COL5A2: variants seen among roughly 807,000 people sequenced by gnomAD.
COL5A2 encodes collagen type V alpha 2 chain.
COL5A2 carries 23 observed loss-of-function variants against 208.2 expected under a neutral mutation model. That is an observed-to-expected ratio of 0.11 (90% CI 0.08 to 0.16). The LOEUF (loss-of-function observed/expected upper bound fraction) is 0.16. Among genes scored for constraint, COL5A2 ranks in the 10% least tolerant of loss-of-function variants. The probability of loss-of-function intolerance (pLI) is 1.00; values close to 1 mark genes in which losing one functional copy is unlikely to be tolerated. For synonymous variants in COL5A2, 625 were observed against 628.5 expected, an observed-to-expected ratio of 0.99 and a Z score of 0.08; for missense variants, 1,590 against 1,956.4, an observed-to-expected ratio of 0.81 and a Z score of 3.53.
intron 1 of COL5A2, among the ~76,000 whole-genome samples, chr2:189,170,463 G>C (rs1047373168): frequency 2.6e-5 from 4 of 152,182 alleles, no homozygotes; most frequent in Non-Finnish European, 5.9e-5. Context: ...TTGCAGATAA[G>C]AATCTCTTAG....
At chr2:189,417,829 CAT>C in the COL5A2 span, among the ~76,000 whole-genome samples, 91 of 151,622 alleles carry the variant, frequency 6.0e-4, no homozygotes, top group Middle Eastern at 6.8e-3. Flanking sequence ...TATATATACA[CAT>C]ACATATATGT....
At chr2:189,250,329 C>T in the COL5A2 span, among the ~76,000 whole-genome samples, 1,614 of 152,270 alleles carry the variant, frequency 0.011, 17 homozygotes, top group Non-Finnish European at 0.014. Context: ...GGGTTAGTAA[C>T]TTGCCAAGGT....
the COL5A2 span, among the ~76,000 whole-genome samples, chr2:189,402,827 T>C: frequency 6.7e-6 from 1 of 149,996 alleles, no homozygotes; most frequent in Non-Finnish European, 1.5e-5. Flanking sequence ...ATAGTATAGT[T>C]TGAATTCTGG....
rs200968159 is a variant in COL5A2 at position 189,078,508 on chromosome 2, A to G, written c.1059+8T>C. 28 of 1,601,822 alleles carry G rather than the reference A, an allele frequency of 1.7e-5. No homozygotes were observed. In the African/African-American group the frequency reaches 2.8e-4, roughly 16 times the overall value. On this transcript the variant is annotated splice_region_variant and intron_variant, in intron 16 of 53. Transcript: ENST00000374866. ...CTCAGCAGTATAAGTAAAAGCAGATATACTTACAGGAGCACCCTGTGGCCC... is the reference window on the plus strand; with the variant it reads ...CTCAGCAGTATAAGTAAAAGCAGATGTACTTACAGGAGCACCCTGTGGCCC...
At chr2:189,296,636 G>A in the COL5A2 span, among the ~76,000 whole-genome samples, 1 of 152,186 alleles carries the variant, frequency 6.6e-6, no homozygotes, top group Non-Finnish European at 1.5e-5. Flanking sequence ...TAGTCCAAAT[G>A]TAAATCCCTT....
At chr2:189,287,226 A>C in the COL5A2 span, among the ~76,000 whole-genome samples, 1 of 152,158 alleles carries the variant, frequency 6.6e-6, no homozygotes, top group Non-Finnish European at 1.5e-5. Context: ...GTAAAATAGC[A>C]TCTGTGAAGT....
Position 189,049,367 on chromosome 2 carries a change from C to A in COL5A2, c.3127G>T (p.Val1043Leu). Residue 1043 changes from valine to leucine, a missense_variant, in exon 44 of 54, where the codon GTA becomes TTA. By Grantham distance (32) the Val-to-Leu change is conservative. Coordinates refer to ENST00000374866, the MANE Select transcript of COL5A2 (RefSeq NM_000393.5). Reference sequence around the variant, plus strand: ...CTCACTTCTGGTCCAGGTTCCCCTACAGGACCATTGGAGCCTGGGGGCCCC... The same window carrying A: ...CTCACTTCTGGTCCAGGTTCCCCTAAAGGACCATTGGAGCCTGGGGGCCCC... Reference protein sequence around the residue: ...PVGPPGSNGPVGEPGPEGPAG... With the variant: ...PVGPPGSNGPLGEPGPEGPAG... 1.2e-6 allele frequency: 2 copies of A among 1,612,568 alleles called. No individual in the cohort carries two copies. The highest frequency in any genetic ancestry group is 1.7e-6 in the Non-Finnish European group (2 of 1,179,064).
At chr2:189,216,539 A>G (rs969734278) in intron 1 of COL5A2, among the ~76,000 whole-genome samples, 1 of 152,130 alleles carries the variant, frequency 6.6e-6, no homozygotes, top group Non-Finnish European at 1.5e-5. Context: ...TATTACAATC[A>G]AGGTTATATC....
the COL5A2 span, among the ~76,000 whole-genome samples, chr2:189,437,043 A>G: frequency 6.6e-6 from 1 of 152,140 alleles, no homozygotes. Context: ...GAGAGAGAGA[A>G]AGTCTGAACG....
At chr2:189,208,337 T>C (rs190651842) in intron 1 of COL5A2, among the ~76,000 whole-genome samples, 7 of 152,328 alleles carry the variant, frequency 4.6e-5, no homozygotes, top group Admixed American at 1.3e-4. Context: ...CACACTTGAT[T>C]TGAATGAATG....
Position 189,064,521 on chromosome 2 carries a change from C to T in COL5A2, c.1716+36G>A, listed in dbSNP as rs529942909. The T allele has an allele frequency of 6.0e-5, 87 of 1,448,428 alleles. No individual in the cohort carries two copies. The South Asian group carries it at 9.4e-4, about 16-fold the overall frequency. The allele number at this position is 1,448,428 out of a possible 1,614,324, so 89.7% of individuals were successfully genotyped here. A position where few individuals can be genotyped will look rare whatever the true frequency, so the allele number is the denominator to read the frequency against. ...CCAATGCATGCTCAGGAGCACTTCT[C>T]CCCTTTGATGTAGCAAACACTTGCT... On this transcript the variant is annotated intron_variant, in intron 25 of 53. Transcript: ENST00000374866.
chr2:189,430,885 C>A, the COL5A2 span, among the ~76,000 whole-genome samples: 1 of 152,304 alleles, frequency 6.6e-6, no homozygotes, highest in African/African-American at 2.4e-5. Flanking sequence ...GGTCCCTGAC[C>A]CCTGTGTAGA....
the COL5A2 span, among the ~76,000 whole-genome samples, chr2:189,431,128 C>G: frequency 6.6e-6 from 1 of 152,246 alleles, no homozygotes; most frequent in South Asian, 2.1e-4. Context: ...AACTAACAAA[C>G]AGAAAGGAAT....
chr2:189,314,563 G>A, the COL5A2 span, among the ~76,000 whole-genome samples: 1 of 152,060 alleles, frequency 6.6e-6, no homozygotes, highest in African/African-American at 2.4e-5. Flanking sequence ...AAAGCTAACA[G>A]AAGACAAGAA....
At chr2:189,396,899 G>A in the COL5A2 span, among the ~76,000 whole-genome samples, 1 of 149,888 alleles carries the variant, frequency 6.7e-6, no homozygotes, top group African/African-American at 2.5e-5. Flanking sequence ...GCTGAGACAG[G>A]AGAATTGCTT....
rs530140191 is a variant in COL5A2, at chr2:189,075,559, C to T, written c.1060-122G>A. 9 of 717,114 alleles carry T rather than the reference C, an allele frequency of 1.3e-5. No homozygotes were observed. In the East Asian group the frequency reaches 2.5e-4, roughly 20 times the overall value. 44.4% of individuals were successfully genotyped at this position (717,114 alleles called of 1,614,324 possible). A position where few individuals can be genotyped will look rare whatever the true frequency, so the allele number is the denominator to read the frequency against. The stretch of plus-strand genomic sequence containing the variant: ...AAGAATAAATATTAAAGTTAACTGA[C>T]AATAACCCTCACTCAGTTAATAGCA... On this transcript the variant is annotated intron_variant, in intron 16 of 53. Transcript: ENST00000374866.
intron 1 of COL5A2, among the ~76,000 whole-genome samples, chr2:189,197,353 T>C (rs1289482565): frequency 1.3e-5 from 2 of 152,122 alleles, no homozygotes; most frequent in Admixed American, 6.5e-5. Context: ...AAAACCTAGA[T>C]GATGGGTTGA....
the COL5A2 span, among the ~76,000 whole-genome samples, chr2:189,326,851 A>T: frequency 7.9e-5 from 12 of 151,980 alleles, no homozygotes; most frequent in African/African-American, 2.9e-4. Context: ...TGGGCGGATC[A>T]CTTGAGGTCA....
chr2:189,337,820 CAAAA>C, the COL5A2 span, among the ~76,000 whole-genome samples: 11 of 143,730 alleles, frequency 7.7e-5, no homozygotes, highest in African/African-American at 5.2e-5. Flanking sequence ...TCCATCCTAG[CAAAA>C]AAAAAAAAAA....
Sources: gnomAD v4.1 joint callset for allele counts (sites outside exome capture counted in the v4.1 genomes callset) on GRCh38, gnomAD v4.1.1 for gene constraint, MANE v1.5 for transcripts, NCBI Gene and HGNC (gene_info 2026-07-23, HGNC 2026-07-21) for gene names.